The following NFKBIZ variants were observed in gnomAD, a reference collection of about 807,000 sequenced individuals.
NFKBIZ encodes the protein NFKB inhibitor zeta.
NFKBIZ carries 19 observed loss-of-function variants against 76.8 expected under a neutral mutation model. The ratio of observed to expected loss-of-function variants is 0.25; its 90% CI spans 0.17 to 0.36. The LOEUF is 0.36. Ranked by LOEUF, NFKBIZ falls within the 10% of genes least tolerant of loss-of-function variation. The pLI is 1.00. For missense variants in NFKBIZ, 829 were observed against 910.9 expected (o/e 0.91, Z 1.16); for synonymous variants, 368 against 354.8 (o/e 1.04, Z -0.42).
At chr3:101,835,943 T>TA (rs1437637108) in intron 2 of NFKBIZ, among the ~76,000 whole-genome samples, 2 of 152,176 alleles carry the variant, frequency 1.3e-5, no homozygotes, top group Non-Finnish European at 2.9e-5. Flanking sequence ...TAGCTACTCT[T>TA]AAACATAAAG....
chr3:101,839,452 A>G (rs1384150736), intron 2 of NFKBIZ, among the ~76,000 whole-genome samples: 1 of 152,188 alleles, frequency 6.6e-6, no homozygotes, highest in Non-Finnish European at 1.5e-5. Context: ...ATTCTAATCA[A>G]CATGTTTATG....
intron 1 of NFKBIZ, among the ~76,000 whole-genome samples, chr3:101,851,661 A>G (rs1942966740): frequency 6.6e-6 from 1 of 152,208 alleles, no homozygotes; most frequent in Admixed American, 6.5e-5. Context: ...TTGCTCCCCA[A>G]AGTTTTTCCA....
rs1943003478 is a variant in NFKBIZ, at chr3:101,853,596, T to C, written c.1070T>C (p.Met357Thr). ...GAATCTGAGAATATTGCTAATCCCA[T>C]GCAGACTTCCTCCAGTGTTCAGCAG... ...QRESENIANP[M>T]QTSSSVQQQN... Residue 357 changes from methionine (M) to threonine (T), a missense_variant, in exon 5 of 12, where the codon ATG (methionine) becomes ACG (threonine). Met to Thr is a moderately conservative substitution (Grantham distance 81). Transcript: ENST00000326172. 1 of 1,614,252 alleles carries C rather than the reference T, an allele frequency of 6.2e-7. No homozygotes were observed.
At chr3:101,833,997 A>T (rs1314946240) in intron 2 of NFKBIZ, among the ~76,000 whole-genome samples, 1 of 152,166 alleles carries the variant, frequency 6.6e-6, no homozygotes, top group Non-Finnish European at 1.5e-5. Flanking sequence ...TTAAAATGCA[A>T]ATAACCTTTA....
In NFKBIZ at chr3:101,849,609, C is replaced by T; in HGVS notation, c.-20C>T. 2 of 1,327,236 alleles carry T rather than the reference C, an allele frequency of 1.5e-6. No homozygotes were observed. The highest frequency in any genetic ancestry group is 6.0e-5 in the East Asian group (2 of 33,248). The allele number at this position is 1,327,236 out of a possible 1,614,324, so 82.2% of individuals were successfully genotyped here. Reference sequence around the variant, plus strand: ...CCGGTGGCGCAGGTGTCGGGGTCCTCGAGCGCCCAGCCTGGGAGCATGATT... The same window carrying T: ...CCGGTGGCGCAGGTGTCGGGGTCCTTGAGCGCCCAGCCTGGGAGCATGATT... On this transcript the variant is annotated 5_prime_UTR_variant, in exon 1 of 12. Transcript: ENST00000326172.
chr3:101,852,996 A>G lies in NFKBIZ; in HGVS notation c.564+7A>G, dbSNP rs1436280725. The G allele has an allele frequency of 1.2e-6, 2 of 1,613,948 alleles. No individual in the cohort carries two copies. The highest frequency in any genetic ancestry group is 1.7e-6 in the Non-Finnish European group (2 of 1,179,816). Reference sequence around the variant, plus strand: ...GTTGCATTCCCAATTTTTGGTAAGTATCTCACCATTTTCCTCTGACTATCC... The same window carrying G: ...GTTGCATTCCCAATTTTTGGTAAGTGTCTCACCATTTTCCTCTGACTATCC... On this transcript the variant is annotated splice_region_variant and intron_variant, in intron 4 of 11. Transcript: ENST00000326172.
At chr3:101,852,614 T>C (rs559787380) in intron 2 of NFKBIZ, 124 bp from the exon 3 acceptor site, 2 of 654,986 alleles carry the variant, frequency 3.1e-6, no homozygotes, top group South Asian at 4.4e-5. Flanking sequence ...TCAATATTGA[T>C]AGAAAAACCA....
intron 3 of NFKBIZ, 40 bp downstream of exon 3, chr3:101,852,808 G>C (rs200598123): frequency 8.1e-5 from 131 of 1,607,676 alleles, no homozygotes; most frequent in Admixed American, 3.7e-4. Flanking sequence ...CAGGGCTTTG[G>C]AGTAAATAAT....
chr3:101,860,183 T>G lies in NFKBIZ; in HGVS notation c.*812T>G, dbSNP rs1477346644. On this transcript the variant is annotated 3_prime_UTR_variant, in exon 12 of 12. Transcript: ENST00000326172. ...ATTATTTGTAGGGAATTGCATGCTTTTTTTTTTTTTTCTCCCGAGACAGGG... is the reference window on the plus strand; with the variant it reads ...ATTATTTGTAGGGAATTGCATGCTTGTTTTTTTTTTTCTCCCGAGACAGGG... The G allele has an allele frequency of 6.6e-6, 1 of 151,664 alleles. No individual in the cohort carries two copies. The highest frequency in any genetic ancestry group is 2.4e-5 in the African/African-American group (1 of 41,344). The allele number at this position is 151,664 out of a possible 1,614,324, so 9.4% of individuals were successfully genotyped here.
chr3:101,845,254 C>T (rs1026558036), upstream of NFKBIZ, among the ~76,000 whole-genome samples: 1 of 147,764 alleles, frequency 6.8e-6, no homozygotes, highest in South Asian at 2.2e-4. Context: ...GGTGACAGAG[C>T]GAGACTCTGT....
At chr3:101,857,788 A>G in intron 11 of NFKBIZ, 1 of 985,420 alleles carries the variant, frequency 1.0e-6, no homozygotes, top group African/African-American at 1.7e-5. Flanking sequence ...AGGAAAGAGA[A>G]TCTTAGTCTT....
chr3:101,843,747 T>C (rs923516150), intron 2 of NFKBIZ, among the ~76,000 whole-genome samples: 2 of 152,222 alleles, frequency 1.3e-5, no homozygotes, highest in Admixed American at 1.3e-4. Flanking sequence ...CATGTGTGAT[T>C]TTATAATGTC....
chr3:101,854,114 A>G (rs988423933), intron 5 of NFKBIZ, among the ~76,000 whole-genome samples: 1 of 152,192 alleles, frequency 6.6e-6, no homozygotes, highest in Non-Finnish European at 1.5e-5. Context: ...TTCTTGATTA[A>G]TTGAGTTTGG....
chr3:101,838,040 C>CGTGTGT (rs1181344737), intron 2 of NFKBIZ, among the ~76,000 whole-genome samples: 1 of 152,172 alleles, frequency 6.6e-6, no homozygotes, highest in African/African-American at 2.4e-5. Context: ...TGATTGCATA[C>CGTGTGT]GTGTGAAAGT....
In NFKBIZ at chr3:101,853,279, A is replaced by G. The variant is rs1416871807; in HGVS notation, c.753A>G (p.Ala251=). 1.9e-6 allele frequency: 3 copies of G among 1,614,058 alleles called. No homozygotes were observed. The highest frequency in any genetic ancestry group is 2.5e-6 in the Non-Finnish European group (3 of 1,180,030). The stretch of plus-strand genomic sequence containing the variant: ...TGGTGGTCCCTCAGAGCTCCCCCGC[A>G]GAGCAGTGTCAGGACTTCCATGGAG... The part of the protein sequence containing the change: ...NPVVVPQSSP[A]EQCQDFHGGQ... Residue 251 remains alanine (A), a synonymous_variant, in exon 5 of 12, where the codon GCA becomes GCG. Transcript: ENST00000326172.
intron 11 of NFKBIZ, 164 bp downstream of exon 11, chr3:101,857,623 G>A (rs1349891389): frequency 3.0e-6 from 3 of 985,428 alleles, no homozygotes; most frequent in South Asian, 4.7e-5. Flanking sequence ...GTTACTCTTC[G>A]TTTGGAAACA....
intron 2 of NFKBIZ, among the ~76,000 whole-genome samples, chr3:101,834,654 C>G (rs892395154): frequency 2.6e-5 from 4 of 152,254 alleles, no homozygotes; most frequent in African/African-American, 9.6e-5. Context: ...AGCCACCACA[C>G]CCGGCCCCTC....
chr3:101,845,717 A>G (rs1451359411), upstream of NFKBIZ, among the ~76,000 whole-genome samples: 1 of 152,248 alleles, frequency 6.6e-6, no homozygotes, highest in Non-Finnish European at 1.5e-5. Context: ...AATAAGGTAA[A>G]TTATTAACAT....
chr3:101,839,522 A>G (rs1490623288), intron 2 of NFKBIZ, among the ~76,000 whole-genome samples: 3 of 152,294 alleles, frequency 2.0e-5, no homozygotes, highest in South Asian at 4.1e-4. Flanking sequence ...TAGTGAGCTC[A>G]ATTTAAGCTC....
Sources: allele counts gnomAD v4.1 joint callset (sites outside exome capture counted in the v4.1 genomes callset), GRCh38; gene constraint gnomAD v4.1.1; transcripts MANE v1.5; gene names NCBI Gene and HGNC (gene_info 2026-07-23, HGNC 2026-07-21).